Variants in RUNX1T1 observed in about 807,000 individuals in gnomAD.
RUNX1T1 encodes RUNX1 partner transcriptional co-repressor 1.
Under a neutral mutation model 62.8 loss-of-function variants are expected in RUNX1T1, and 4 were observed. The ratio of observed to expected loss-of-function variants is 0.06; its 90% CI spans 0.03 to 0.15. The LOEUF is 0.15. RUNX1T1 is among the 10% of genes least tolerant of loss of function. RUNX1T1 has a pLI of 1.00. For synonymous variants in RUNX1T1, 291 were observed against 286.0 expected (o/e 1.02, Z -0.18); for missense variants, 508 against 754.3 (o/e 0.67, Z 3.82).
exon 10 of RUNX1T1, chr8:91,970,825 G>A (rs1381105316): frequency 1.2e-5 from 19 of 1,610,366 alleles, no homozygotes; most frequent in Non-Finnish European, 1.5e-5. Flanking sequence ...ATCGCCTGGC[G>A]CTTCACCTCA....
chr8:91,980,031 T>C lies in RUNX1T1; in HGVS notation c.1199-4058A>G, dbSNP rs574656735. Reference sequence around the variant, plus strand: ...GTAATTTTATCTTTACAAATGCCACTTGTTTTTAAGGATAATACATTCAGA... The same window carrying C: ...GTAATTTTATCTTTACAAATGCCACCTGTTTTTAAGGATAATACATTCAGA... On this transcript the variant is annotated intron_variant, in intron 8 of 10. Coordinates refer to ENST00000396218, the Ensembl canonical transcript of RUNX1T1. 16 of 284,158 alleles carry C rather than the reference T, an allele frequency of 5.6e-5. 1 individual carries two copies. The highest frequency in any genetic ancestry group is 5.6e-4 in the South Asian group (16 of 28,420). 17.6% of individuals were successfully genotyped at this position (284,158 alleles called of 1,614,324 possible).
intron 5 of RUNX1T1, among the ~76,000 whole-genome samples, chr8:91,997,249 A>C (rs1389067543): frequency 6.6e-6 from 1 of 152,198 alleles, no homozygotes; most frequent in South Asian, 2.1e-4. Flanking sequence ...TATAACATTC[A>C]AGGAAACGGG....
At chr8:91,966,942 CAAAA>C (rs1222332750) in intron 10 of RUNX1T1, among the ~76,000 whole-genome samples, 1 of 152,006 alleles carries the variant, frequency 6.6e-6, no homozygotes, top group Admixed American at 6.6e-5. Context: ...AACAAACAAA[CAAAA>C]ACCTCCCACT....
chr8:92,073,224 G>A (rs564892798), intron 2 of RUNX1T1, among the ~76,000 whole-genome samples: 1 of 152,094 alleles, frequency 6.6e-6, no homozygotes, highest in Non-Finnish European at 1.5e-5. Context: ...ACAGGAGAAC[G>A]GCTCCAAATG....
At chr8:92,005,061 T>A in intron 5 of RUNX1T1, 55 bp downstream of exon 6, 1 of 1,447,526 alleles carries the variant, frequency 6.9e-7, no homozygotes, top group Non-Finnish European at 9.3e-7. Context: ...TGTTTCCTCA[T>A]GCCACAGGTA....
intron 10 of RUNX1T1, 77 bp from the exon 12 acceptor site, chr8:91,960,594 C>T: frequency 3.4e-6 from 5 of 1,455,612 alleles, no homozygotes; most frequent in Non-Finnish European, 4.7e-6. Flanking sequence ...ATATGTTAGG[C>T]ATCACTGTAG....
chr8:92,024,879 G>C (rs915311468), intron 1 of RUNX1T1, among the ~76,000 whole-genome samples: 5 of 152,114 alleles, frequency 3.3e-5, no homozygotes, highest in African/African-American at 7.2e-5. Flanking sequence ...GGGCTTCAGA[G>C]ACAGGACTGG....
At chr8:92,005,369 T>G (rs1820553196) in intron 4 of RUNX1T1, 72 bp from the exon 6 acceptor site, 1 of 1,383,108 alleles carries the variant, frequency 7.2e-7, no homozygotes, top group African/African-American at 1.5e-5. Context: ...ACTCTGCTTT[T>G]CGAACACTGG....
chr8:92,088,754 T>C (rs1401545168), intron 1 of RUNX1T1, among the ~76,000 whole-genome samples: 2 of 152,178 alleles, frequency 1.3e-5, no homozygotes, highest in African/African-American at 4.8e-5. Context: ...TACGTGGCCA[T>C]GTCTAGCTCA....
intron 8 of RUNX1T1, 116 bp from the exon 10 acceptor site, chr8:91,976,089 G>T (rs761858299): frequency 8.6e-6 from 6 of 701,518 alleles, no homozygotes; most frequent in Non-Finnish European, 1.5e-5. Flanking sequence ...CTACAAAAAC[G>T]CAATTTTAAA....
In RUNX1T1 at chr8:92,043,240, T is replaced by C. The variant is rs151085397; in HGVS notation, c.7+19306A>G. On this transcript the variant is annotated intron_variant, in intron 1 of 10. Transcript: ENST00000396218. ...CCACAAAAAGTTAATTTTATTCAATTTAAAAATTATTTTAAGAAAACTGAC... is the reference window on the plus strand; with the variant it reads ...CCACAAAAAGTTAATTTTATTCAATCTAAAAATTATTTTAAGAAAACTGAC... 2.8e-3 allele frequency among the ~76,000 whole-genome samples: 424 copies of C among 152,292 alleles called. 1 individual carries two copies. Among genetic ancestry groups the C allele is most frequent in the Middle Eastern group, 0.017 (5 of 294 alleles).
At chr8:91,971,709 C>G (rs1812868335) in intron 9 of RUNX1T1, among the ~76,000 whole-genome samples, 1 of 152,078 alleles carries the variant, frequency 6.6e-6, no homozygotes, top group African/African-American at 2.4e-5. Context: ...TTTGCATAAC[C>G]AACTGTTGCA....
intron 1 of RUNX1T1, among the ~76,000 whole-genome samples, chr8:92,093,230 G>C (rs1201172076): frequency 6.6e-6 from 1 of 151,970 alleles, no homozygotes; most frequent in Non-Finnish European, 1.5e-5. Context: ...GGCAACAATT[G>C]TCATGTATAA....
At chr8:91,981,681 C>T (rs886773464) in intron 8 of RUNX1T1, among the ~76,000 whole-genome samples, 4 of 151,970 alleles carry the variant, frequency 2.6e-5, no homozygotes, top group African/African-American at 7.3e-5. Context: ...TCCCCAAGTG[C>T]TGGGATTACA....
At chr8:92,102,905 C>A (rs939217928), upstream of RUNX1T1, 17 of 1,515,422 alleles carry the variant, frequency 1.1e-5, no homozygotes, top group African/African-American at 2.0e-4. This position sits in a 1 kb window ranked among gnomAD's most constrained non-coding sequence, Gnocchi z 4.5. Context: ...CTCCGAGCTG[C>A]AAATAAAACT....
chr8:91,955,813 A>G (rs1474918872), downstream of RUNX1T1: 1 of 226,880 alleles, frequency 4.4e-6, no homozygotes, highest in Non-Finnish European at 8.8e-6. Context: ...ACACATAAAA[A>G]CTAACAGCAT....
intron 1 of RUNX1T1, chr8:92,095,099 T>G (rs1469787051): frequency 6.5e-7 from 1 of 1,535,530 alleles, no homozygotes; most frequent in African/African-American, 1.4e-5. Context: ...TGCCTCCTCC[T>G]CACCCCACAC....
At chr8:92,080,255 G>T (rs748604937) in intron 1 of RUNX1T1, among the ~76,000 whole-genome samples, 2 of 152,152 alleles carry the variant, frequency 1.3e-5, no homozygotes, top group Admixed American at 1.3e-4. Flanking sequence ...CAATCCCCAT[G>T]ACTTTGGCAA....
At chr8:91,980,949 G>A (rs1420872359) in intron 8 of RUNX1T1, among the ~76,000 whole-genome samples, 4 of 151,994 alleles carry the variant, frequency 2.6e-5, no homozygotes, top group Non-Finnish European at 4.4e-5. Flanking sequence ...TGGGATTATA[G>A]GCATGAGACA....
Sources: allele counts gnomAD v4.1 joint callset (sites outside exome capture counted in the v4.1 genomes callset), GRCh38; gene constraint gnomAD v4.1.1; non-coding constraint Gnocchi (gnomAD v3.1); transcripts MANE v1.5; gene names NCBI Gene and HGNC (gene_info 2026-07-23, HGNC 2026-07-21).